CRPPA: variants seen among roughly 807,000 people sequenced by gnomAD.
CRPPA encodes D-ribitol-5-phosphate cytidylyltransferase.
Under a neutral mutation model 52.0 loss-of-function variants are expected in CRPPA, and 43 were observed. That is an observed-to-expected ratio of 0.83 (90% confidence interval 0.65 to 1.07). The LOEUF is 1.07. CRPPA is among the 50% of genes least tolerant of loss of function. CRPPA has a pLI of 0.00. For missense variants in CRPPA, 629 were observed against 551.7 expected (o/e 1.14, Z -1.40); for synonymous variants, 250 against 203.5 (o/e 1.23, Z -1.94).
At chr7:16,307,362 G>A (rs542931870) in intron 4 of CRPPA, among the ~76,000 whole-genome samples, 4 of 152,138 alleles carry the variant, frequency 2.6e-5, no homozygotes, top group Non-Finnish European at 5.9e-5. Flanking sequence ...CCATTATCTT[G>A]TTTGCAATAA....
chr7:16,222,510 A>G (rs1300886798), intron 8 of CRPPA, among the ~76,000 whole-genome samples: 2 of 152,208 alleles, frequency 1.3e-5, no homozygotes, highest in Non-Finnish European at 2.9e-5. Context: ...AGTCAAATAC[A>G]TAAAGTATGT....
At chr7:16,238,958 T>C (rs1438649606) in intron 8 of CRPPA, among the ~76,000 whole-genome samples, 2 of 151,774 alleles carry the variant, frequency 1.3e-5, no homozygotes, top group African/African-American at 4.8e-5. Flanking sequence ...GCCAAAATGG[T>C]GAAACCCCGT....
At chr7:16,096,921 T>C (rs180792623) in intron 9 of CRPPA, among the ~76,000 whole-genome samples, 3 of 152,322 alleles carry the variant, frequency 2.0e-5, no homozygotes, top group Non-Finnish European at 4.4e-5. Flanking sequence ...TATTTCTTCT[T>C]TCTGCTTTGC....
At chr7:16,349,494 G>A (rs1786094075) in intron 3 of CRPPA, among the ~76,000 whole-genome samples, 1 of 152,106 alleles carries the variant, frequency 6.6e-6, no homozygotes, top group African/African-American at 2.4e-5. Context: ...TACCTGACAG[G>A]GAATTTAGAA....
chr7:16,242,630 A>G (rs1478990350), intron 8 of CRPPA, among the ~76,000 whole-genome samples: 3 of 152,214 alleles, frequency 2.0e-5, no homozygotes, highest in Non-Finnish European at 4.4e-5. Context: ...AAAATCACAT[A>G]TGAAAAAAGT....
At position 16,421,283 on chromosome 7, in the gene CRPPA, G is replaced by C; in HGVS notation, c.40C>G (p.Pro14Ala). The C allele has an allele frequency of 7.8e-7, 1 of 1,278,832 alleles. No individual in the cohort carries two copies. The highest frequency in any genetic ancestry group is 9.9e-7 in the Non-Finnish European group (1 of 1,006,920). The allele number at this position is 1,278,832 out of a possible 1,614,324, so 79.2% of individuals were successfully genotyped here. Residue 14 changes from proline to alanine, a missense_variant, in exon 1 of 10, where the codon CCG becomes GCG. Transcript: ENST00000407010. ...CGCTGACCACTCAGGCAAGGACCCG[G>C]CTCCGCCGGCCTGGCGCTGCCCGGC... ...GPPGSARPAEPGPCLSGQRGA... is the reference protein window; with the variant it reads ...GPPGSARPAEAGPCLSGQRGA...
chr7:16,150,651 A>T (rs1783060028), intron 9 of CRPPA, among the ~76,000 whole-genome samples: 1 of 152,244 alleles, frequency 6.6e-6, no homozygotes, highest in African/African-American at 2.4e-5. Flanking sequence ...ACATTTACTG[A>T]GCACCATCTG....
chr7:16,114,898 A>G (rs893262788), intron 9 of CRPPA, among the ~76,000 whole-genome samples: 2 of 152,112 alleles, frequency 1.3e-5, no homozygotes, highest in Admixed American at 1.3e-4. Flanking sequence ...AACTTAATAA[A>G]TGTATAGTTA....
intron 8 of CRPPA, among the ~76,000 whole-genome samples, chr7:16,242,936 G>A (rs971462783): frequency 3.9e-5 from 6 of 152,080 alleles, no homozygotes; most frequent in Non-Finnish European, 7.4e-5. Flanking sequence ...TGACCCACAC[G>A]ACAATTTCAG....
chr7:16,203,670 C>A (rs1781907574), intron 9 of CRPPA, among the ~76,000 whole-genome samples: 1 of 152,060 alleles, frequency 6.6e-6, no homozygotes, highest in Admixed American at 6.6e-5. Context: ...CTGGGTTTGA[C>A]AAAGCCTGAA....
chr7:16,318,328 A>T (rs1282633262), intron 3 of CRPPA, among the ~76,000 whole-genome samples: 1 of 152,146 alleles, frequency 6.6e-6, no homozygotes, highest in African/African-American at 2.4e-5. Context: ...CTTTTAGCTT[A>T]TGCTTTTATC....
In CRPPA at chr7:16,323,395, A is replaced by G. The variant is rs546573601; in HGVS notation, c.685-14768T>C. Among the ~76,000 whole-genome samples the G allele has an allele frequency of 8.5e-5, 13 of 152,290 alleles. No individual in the cohort carries two copies. The South Asian group carries it at 2.7e-3, about 32-fold the overall frequency. ...GTTTGGTCATATGATTGTCAATAGAATGAGGAAGAAGTGACAGTATACCAG... is the reference window on the plus strand; with the variant it reads ...GTTTGGTCATATGATTGTCAATAGAGTGAGGAAGAAGTGACAGTATACCAG... On this transcript the variant is annotated intron_variant, in intron 3 of 9. Coordinates refer to ENST00000407010, the MANE Select transcript of CRPPA (RefSeq NM_001101426.4).
At chr7:16,375,750 A>G (rs892393157) in intron 3 of CRPPA, among the ~76,000 whole-genome samples, 8 of 152,196 alleles carry the variant, frequency 5.3e-5, no homozygotes, top group African/African-American at 1.9e-4. Flanking sequence ...CAGATGACCA[A>G]TCGAACACCC....
In CRPPA at chr7:16,088,900, T is replaced by G. The variant is rs1044337864; in HGVS notation, c.*2795A>C. 4.4e-5 allele frequency: 8 copies of G among 181,628 alleles called. No homozygotes were observed. Among genetic ancestry groups the G allele is most frequent in the Non-Finnish European group, 8.4e-5 (7 of 83,728 alleles). The allele number at this position is 181,628 out of a possible 1,614,324, so 11.3% of individuals were successfully genotyped here. A position where few individuals can be genotyped will look rare whatever the true frequency, so the allele number is the denominator to read the frequency against. Reference sequence around the variant, plus strand: ...GTCCATTTCGCCAATGTTCATTCAGTGCCTCTGGCTTATATATCACGTCTT... The same window carrying G: ...GTCCATTTCGCCAATGTTCATTCAGGGCCTCTGGCTTATATATCACGTCTT... On this transcript the variant is annotated 3_prime_UTR_variant, in exon 10 of 10. Transcript: ENST00000407010.
intron 9 of CRPPA, among the ~76,000 whole-genome samples, chr7:16,171,406 A>G (rs1388861852): frequency 2.0e-5 from 3 of 152,126 alleles, no homozygotes; most frequent in Admixed American, 2.0e-4. Flanking sequence ...TAAACTCAAA[A>G]TTTTTCCAAC....
At chr7:16,210,126 C>T (rs142547447) in intron 9 of CRPPA, among the ~76,000 whole-genome samples, 1 of 152,192 alleles carries the variant, frequency 6.6e-6, no homozygotes, top group African/African-American at 2.4e-5. Context: ...ACTCTACATG[C>T]AATAAAAAAG....
intron 3 of CRPPA, among the ~76,000 whole-genome samples, chr7:16,357,928 G>A (rs909720541): frequency 5.3e-5 from 8 of 152,126 alleles, no homozygotes; most frequent in African/African-American, 9.7e-5. Context: ...GTCAGAAACC[G>A]CAAATGCCTG....
chr7:16,275,326 G>A, intron 6 of CRPPA, among the ~76,000 whole-genome samples: 1 of 152,120 alleles, frequency 6.6e-6, no homozygotes, highest in East Asian at 1.9e-4. Flanking sequence ...CTCTGCTAGG[G>A]ATAACTGGGG....
At chr7:16,164,138 G>T (rs768281761) in intron 9 of CRPPA, among the ~76,000 whole-genome samples, 9 of 152,128 alleles carry the variant, frequency 5.9e-5, no homozygotes, top group Non-Finnish European at 1.2e-4. Context: ...ATCACTTTCA[G>T]GTACACCAAT....
Sources: gnomAD v4.1 joint callset for allele counts (sites outside exome capture counted in the v4.1 genomes callset) on GRCh38, gnomAD v4.1.1 for gene constraint, MANE v1.5 for transcripts, NCBI Gene and HGNC (gene_info 2026-07-23, HGNC 2026-07-21) for gene names.